TCAIM: variants seen among roughly 807,000 people sequenced by gnomAD.
The protein encoded by TCAIM is T cell activation inhibitor, mitochondrial, also known as T-cell activation inhibitor, mitochondrial.
TCAIM carries 36 observed loss-of-function variants against 58.6 expected under a neutral mutation model. The observed-to-expected ratio is 0.61, with a 90% CI of 0.47 to 0.81. The LOEUF is 0.81. Ranked by LOEUF, TCAIM falls within the 30% of genes least tolerant of loss-of-function variation. TCAIM has a pLI of 0.00. For missense variants in TCAIM, 466 were observed against 579.6 expected (o/e 0.80, Z 2.01); for synonymous variants, 172 against 193.6 (o/e 0.89, Z 0.93).
rs189155887 is a variant in TCAIM at position 44,344,291 on chromosome 3, C to T, written c.-45+5457C>T. The stretch of plus-strand genomic sequence containing the variant: ...TGATTACAGGGATGAGCCACCATAC[C>T]GAGCCTCAGAAATGCTTCTGAAATG... On this transcript the variant is annotated intron_variant, in intron 1 of 10. Transcript: ENST00000342649. Among the ~76,000 whole-genome samples the T allele has an allele frequency of 9.9e-5, 15 of 152,238 alleles. No individual in the cohort carries two copies. In the East Asian group the frequency reaches 1.6e-3, roughly 16 times the overall value.
intron 10 of TCAIM, among the ~76,000 whole-genome samples, chr3:44,402,641 G>A (rs1378243328): frequency 5.9e-5 from 9 of 152,156 alleles, no homozygotes; most frequent in Admixed American, 5.9e-4. Context: ...GAAAGACTCA[G>A]ACATGATCTC....
At chr3:44,403,671 C>T (rs1702056497) in intron 10 of TCAIM, among the ~76,000 whole-genome samples, 1 of 152,090 alleles carries the variant, frequency 6.6e-6, no homozygotes, top group Non-Finnish European at 1.5e-5. Context: ...TAAAAAAATT[C>T]AAATAGGTCA....
At chr3:44,378,940 C>T (rs1268095845) in intron 5 of TCAIM, among the ~76,000 whole-genome samples, 1 of 152,010 alleles carries the variant, frequency 6.6e-6, no homozygotes, top group African/African-American at 2.4e-5. Flanking sequence ...GGGGAGATTG[C>T]TTGAACTCAG....
chr3:44,357,842 A>C lies in TCAIM; in HGVS notation c.131A>C (p.His44Pro). The part of the protein sequence containing the change: ...NALRPFYFAV[H>P]PDFFGQHPVE... Reference sequence around the variant, plus strand: ...TTGAGGCCTTTCTATTTTGCAGTACATCCAGATTTCTTTGGACAGCACCCC... The same window carrying C: ...TTGAGGCCTTTCTATTTTGCAGTACCTCCAGATTTCTTTGGACAGCACCCC... Residue 44 changes from histidine to proline, a missense_variant, in exon 3 of 11, where the codon CAT becomes CCT. By Grantham distance (77) the His-to-Pro change is moderately conservative. Transcript: ENST00000342649. The C allele has an allele frequency of 6.2e-7, 1 of 1,614,144 alleles. No individual in the cohort carries two copies. Among genetic ancestry groups the C allele is most frequent in the Non-Finnish European group, 8.5e-7 (1 of 1,180,018 alleles).
At chr3:44,340,614 A>G (rs1445947006) in intron 1 of TCAIM, 2 of 152,002 alleles carry the variant, frequency 1.3e-5, no homozygotes, top group South Asian at 4.1e-4. Flanking sequence ...TTTTTAAAGA[A>G]TTAAAGCTTA....
chr3:44,347,598 A>G (rs989898157), intron 1 of TCAIM, among the ~76,000 whole-genome samples: 1 of 152,332 alleles, frequency 6.6e-6, no homozygotes, highest in East Asian at 1.9e-4. Context: ...TGGATAGGCA[A>G]AACAATTTGG....
chr3:44,366,612 C>T (rs977790338), intron 4 of TCAIM, among the ~76,000 whole-genome samples: 9 of 144,010 alleles, frequency 6.2e-5, no homozygotes, highest in Non-Finnish European at 1.1e-4. Context: ...AGGCGCCCGC[C>T]ACCACGCCCG....
At chr3:44,340,286 A>C (rs1333665728) in intron 1 of TCAIM, 1 of 152,238 alleles carries the variant, frequency 6.6e-6, no homozygotes, top group Non-Finnish European at 1.5e-5. Flanking sequence ...GTAAATTTAC[A>C]GATTGACATT....
At chr3:44,359,135 C>A (rs1052041258) in intron 3 of TCAIM, 3 of 953,138 alleles carry the variant, frequency 3.1e-6, no homozygotes, top group Non-Finnish European at 3.7e-6. Flanking sequence ...CCTGTAGTCC[C>A]AGCTACTAGG....
chr3:44,400,486 A>T lies in TCAIM; in HGVS notation c.1017A>T (p.Glu339Asp), dbSNP rs748723558. The change falls in exon 9 of 11, where the codon GAA becomes GAT. Residue 339 changes from glutamate to aspartate, a missense_variant. Coordinates refer to ENST00000342649, the MANE Select transcript of TCAIM (RefSeq NM_173826.4). ...AATTACAGCCAGTATTGACACTTGA[A>T]GAATATTACTCTCTTCTTGATGTGT... Reference protein sequence around the residue: ...IEELQPVLTLEEYYSLLDVFY... With the variant: ...IEELQPVLTLDEYYSLLDVFY... 1 of 1,613,788 alleles carries T rather than the reference A, an allele frequency of 6.2e-7. No homozygotes were observed. The highest frequency in any genetic ancestry group is 8.5e-7 in the Non-Finnish European group (1 of 1,179,822).
At chr3:44,352,357 A>T (rs1701109613) in intron 1 of TCAIM, among the ~76,000 whole-genome samples, 3 of 152,188 alleles carry the variant, frequency 2.0e-5, no homozygotes, top group African/African-American at 7.2e-5. Context: ...TGGTCAGTTG[A>T]TATGGAGACT....
chr3:44,373,115 GT>G (rs920167722), intron 5 of TCAIM, among the ~76,000 whole-genome samples: 1 of 151,798 alleles, frequency 6.6e-6, no homozygotes, highest in Non-Finnish European at 1.5e-5. Flanking sequence ...AATCAGTTGA[GT>G]TTTTTTATTT....
In TCAIM at chr3:44,409,042, A is replaced by G. The variant is rs1702142947; in HGVS notation, c.*1360A>G. On this transcript the variant is annotated 3_prime_UTR_variant, in exon 11 of 11. Coordinates refer to ENST00000342649, the MANE Select transcript of TCAIM (RefSeq NM_173826.4). ...CTTGCTACTGAATGAATCAGAAAGG[A>G]ATTTTTTCTGAAGAGCATTAGAAAG... 1 of 149,528 alleles carries G rather than the reference A, an allele frequency of 6.7e-6. No homozygotes were observed. The highest frequency in any genetic ancestry group is 2.1e-4 in the South Asian group (1 of 4,832). 9.3% of individuals were successfully genotyped at this position (149,528 alleles called of 1,614,324 possible). A position where few individuals can be genotyped will look rare whatever the true frequency, so the allele number is the denominator to read the frequency against.
At chr3:44,395,872 A>C (rs1192744209) in intron 6 of TCAIM, among the ~76,000 whole-genome samples, 1 of 152,186 alleles carries the variant, frequency 6.6e-6, no homozygotes, top group Non-Finnish European at 1.5e-5. Context: ...CTTTAGTCCC[A>C]GCTACTCGTG....
rs188579044 is a variant in TCAIM, at chr3:44,396,809, T to C, written c.860T>C (p.Met287Thr). 9.4e-5 allele frequency: 152 copies of C among 1,614,134 alleles called. No individual in the cohort carries two copies. Among genetic ancestry groups the C allele is most frequent in the Non-Finnish European group, 1.2e-4 (143 of 1,179,996 alleles). ...GTGGGCCATGTGATGCTAGGAACAA[T>C]GGATGTCCATCACCACTGGACAAAA... Reference protein sequence around the residue: ...SAVGHVMLGTMDVHHHWTKLF... With the variant: ...SAVGHVMLGTTDVHHHWTKLF... The change falls in exon 8 of 11, where the codon ATG becomes ACG. Residue 287 changes from methionine to threonine, a missense_variant. Coordinates refer to ENST00000342649, the MANE Select transcript of TCAIM (RefSeq NM_173826.4).
At chr3:44,359,780 A>C (rs1412429152) in intron 3 of TCAIM, 2 of 152,228 alleles carry the variant, frequency 1.3e-5, no homozygotes, top group African/African-American at 4.8e-5. Context: ...TTGTTGTAAT[A>C]AACCATAATG....
intron 1 of TCAIM, among the ~76,000 whole-genome samples, chr3:44,354,418 T>C (rs574613728): frequency 6.6e-6 from 1 of 152,328 alleles, no homozygotes; most frequent in Admixed American, 6.5e-5. Flanking sequence ...CTTTATAAAC[T>C]TTAGAATCCA....
At chr3:44,367,939 A>G (rs1187171018) in intron 5 of TCAIM, 3 of 412,022 alleles carry the variant, frequency 7.3e-6, no homozygotes, top group Admixed American at 4.0e-5. Context: ...TTCCAACTGT[A>G]TTTAAAGTTG....
intron 5 of TCAIM, among the ~76,000 whole-genome samples, chr3:44,379,472 A>G (rs972426800): frequency 4.6e-5 from 7 of 152,192 alleles, no homozygotes; most frequent in African/African-American, 9.7e-5. Context: ...ATCAACCTCA[A>G]TGCCCATCAA....
Sources: allele counts gnomAD v4.1 joint callset (sites outside exome capture counted in the v4.1 genomes callset), GRCh38; gene constraint gnomAD v4.1.1; transcripts MANE v1.5; gene names NCBI Gene and HGNC (gene_info 2026-07-23, HGNC 2026-07-21).